Variants in XXYLT1 observed in about 807,000 individuals in gnomAD.
XXYLT1 encodes UDP-xylose:alpha-xyloside alpha-1,3-xylosyltransferase.
Under a neutral mutation model 28.9 loss-of-function variants are expected in XXYLT1, and 20 were observed. That is an observed-to-expected ratio of 0.69 (90% CI 0.49 to 1.00). The LOEUF (loss-of-function observed/expected upper bound fraction) is 1.00, where lower values mean the gene tolerates loss of function less well. XXYLT1 is among the 50% of genes least tolerant of loss of function. The pLI, the probability that XXYLT1 is intolerant of heterozygous loss-of-function variation, is 0.00. For missense variants in XXYLT1, 542 were observed against 560.1 expected (o/e 0.97, Z 0.33); for synonymous variants, 257 against 253.8 (o/e 1.01, Z -0.12).
At position 195,257,177 on chromosome 3, in the gene XXYLT1, C is replaced by T. The variant is rs183375545; in HGVS notation, c.504+13378G>A. Among the ~76,000 whole-genome samples the T allele has an allele frequency of 6.4e-4, 98 of 152,292 alleles. No individual in the cohort carries two copies. The highest frequency in any genetic ancestry group is 7.1e-4 in the Non-Finnish European group (48 of 68,014). ...GCATGTGCACAGGACATCTGACGGG[C>T]ATCGGTGCCCAGCCATCCCACCCCG... On this transcript the variant is annotated intron_variant, in intron 1 of 3. Coordinates refer to ENST00000310380, the MANE Select transcript of XXYLT1 (RefSeq NM_152531.5). This position sits in a 1 kb window ranked among gnomAD's most constrained non-coding sequence, Gnocchi z 4.3.
In XXYLT1 at chr3:195,169,537, G is replaced by A. The variant is rs147511188; in HGVS notation, c.653-12956C>T. Among the ~76,000 whole-genome samples, 18 of 152,322 alleles carry A rather than the reference G, an allele frequency of 1.2e-4. No individual in the cohort carries two copies. In the East Asian group the frequency reaches 2.1e-3, roughly 18 times the overall value. Reference sequence around the variant, plus strand: ...TGGGACACAGATATAGATGGTCCCCGCCACAATGCGGTTCCACTTCACAAT... The same window carrying A: ...TGGGACACAGATATAGATGGTCCCCACCACAATGCGGTTCCACTTCACAAT... On this transcript the variant is annotated intron_variant, in intron 2 of 3. Transcript: ENST00000310380.
chr3:195,122,131 T>C (rs973369724), intron 3 of XXYLT1: 2 of 702,896 alleles, frequency 2.8e-6, no homozygotes, highest in Non-Finnish European at 5.2e-6. Context: ...AGTCTCCTCA[T>C]ATGGTGAAGG....
intron 3 of XXYLT1, among the ~76,000 whole-genome samples, chr3:195,088,727 T>C (rs1715960029): frequency 2.1e-5 from 3 of 141,294 alleles, no homozygotes; most frequent in Non-Finnish European, 3.1e-5. Context: ...CAAATTACTC[T>C]GAGCTACGGG....
chr3:195,198,061 A>C (rs1722703043), intron 2 of XXYLT1, among the ~76,000 whole-genome samples: 1 of 152,210 alleles, frequency 6.6e-6, no homozygotes, highest in Non-Finnish European at 1.5e-5. Context: ...TGACTTATTC[A>C]CAACAGAAGA....
At chr3:195,139,498 G>A (rs761728600) in intron 3 of XXYLT1, among the ~76,000 whole-genome samples, 3 of 152,170 alleles carry the variant, frequency 2.0e-5, no homozygotes, top group Non-Finnish European at 2.9e-5. Flanking sequence ...GTGCAGCCAC[G>A]GACGCTTTCA....
In XXYLT1 at chr3:195,255,408, A is replaced by G. The variant is rs1245035577; in HGVS notation, c.504+15147T>C. ...GACTCAGCTCCATCCAAGTGGGCTG[A>G]GCAGGGCCAGGCAATGGGTTGGAGG... is the stretch of plus-strand genomic sequence containing the variant. On this transcript the variant is annotated intron_variant, in intron 1 of 3. Coordinates refer to ENST00000310380, the MANE Select transcript of XXYLT1 (RefSeq NM_152531.5). The surrounding 1 kb of genome is among the most constrained non-coding windows in gnomAD (Gnocchi z 4.5). 6.6e-6 allele frequency among the ~76,000 whole-genome samples: 1 copy of G among 151,766 alleles called. No individual in the cohort carries two copies.
chr3:195,203,256 A>G (rs933935755), intron 2 of XXYLT1, among the ~76,000 whole-genome samples: 7 of 152,254 alleles, frequency 4.6e-5, no homozygotes, highest in Non-Finnish European at 1.0e-4. Context: ...ACAACCCAAT[A>G]GAAAAATGGG....
At chr3:195,224,296 G>A (rs1197115998) in intron 2 of XXYLT1, among the ~76,000 whole-genome samples, 4 of 152,204 alleles carry the variant, frequency 2.6e-5, no homozygotes, top group South Asian at 4.1e-4. Context: ...TCAGAGGGTG[G>A]GGCCCACACC....
At chr3:195,268,461 C>G (rs952997301) in intron 1 of XXYLT1, among the ~76,000 whole-genome samples, 4 of 151,030 alleles carry the variant, frequency 2.6e-5, no homozygotes, top group Admixed American at 2.6e-4. Context: ...ATTTAGCCAG[C>G]GTGGTGGTGG....
chr3:195,234,837 C>T (rs1312817372), intron 1 of XXYLT1, among the ~76,000 whole-genome samples: 2 of 152,044 alleles, frequency 1.3e-5, no homozygotes, highest in Admixed American at 6.6e-5. Context: ...TTGAGGTAGA[C>T]GTCTTTGGGC....
intron 2 of XXYLT1, among the ~76,000 whole-genome samples, chr3:195,225,842 C>A (rs1481024059): frequency 6.6e-6 from 1 of 152,114 alleles, no homozygotes; most frequent in Non-Finnish European, 1.5e-5. Context: ...GCTTTTCCCC[C>A]TTTTCCTTGG....
intron 3 of XXYLT1, among the ~76,000 whole-genome samples, chr3:195,142,735 T>C (rs1719558204): frequency 6.6e-6 from 1 of 152,258 alleles, no homozygotes; most frequent in Non-Finnish European, 1.5e-5. Flanking sequence ...GTATGCACGC[T>C]GGGGTCTTCA....
At chr3:195,080,257 G>A (rs1042038602) in intron 3 of XXYLT1, among the ~76,000 whole-genome samples, 1 of 152,218 alleles carries the variant, frequency 6.6e-6, no homozygotes, top group Non-Finnish European at 1.5e-5. Flanking sequence ...CCCAGATGGT[G>A]ACCTGACCTG....
chr3:195,259,760 C>T (rs1253589631), intron 1 of XXYLT1: 4 of 771,354 alleles, frequency 5.2e-6, no homozygotes, highest in African/African-American at 1.9e-5. Flanking sequence ...TGCCAAATTC[C>T]CCACCGGCGC....
intron 1 of XXYLT1, among the ~76,000 whole-genome samples, chr3:195,241,426 T>C (rs1241915420): frequency 6.6e-6 from 1 of 152,136 alleles, no homozygotes; most frequent in Non-Finnish European, 1.5e-5. Context: ...GAGTGATGGA[T>C]GGGCAGAGCT....
chr3:195,160,843 C>T (rs11710992), intron 2 of XXYLT1, among the ~76,000 whole-genome samples: 20,004 of 152,224 alleles, frequency 0.13, 1,787 homozygotes, highest in East Asian at 0.41. Context: ...AGGGGATGTG[C>T]GGTTGGAATT....
chr3:195,121,077 C>T (rs1718334573), intron 3 of XXYLT1, among the ~76,000 whole-genome samples: 1 of 152,196 alleles, frequency 6.6e-6, no homozygotes, highest in Non-Finnish European at 1.5e-5. Context: ...CGTGAGCACC[C>T]CCATGCTCCC....
At chr3:195,167,763 TC>T (rs1214446792) in intron 2 of XXYLT1, among the ~76,000 whole-genome samples, 1 of 152,136 alleles carries the variant, frequency 6.6e-6, no homozygotes, top group Non-Finnish European at 1.5e-5. Flanking sequence ...AGCATATTGT[TC>T]CCTTCTAGTA....
At chr3:195,127,398 T>C (rs1459727975) in intron 3 of XXYLT1, among the ~76,000 whole-genome samples, 1 of 152,214 alleles carries the variant, frequency 6.6e-6, no homozygotes, top group African/African-American at 2.4e-5. Flanking sequence ...CACGTATTTG[T>C]ATTGATTTAG....
Sources: gnomAD v4.1 joint callset for allele counts (sites outside exome capture counted in the v4.1 genomes callset) on GRCh38, gnomAD v4.1.1 for gene constraint, Gnocchi (gnomAD v3.1) non-coding constraint, MANE v1.5 for transcripts, NCBI Gene and HGNC (gene_info 2026-07-23, HGNC 2026-07-21) for gene names.